The following FAT3 variants were observed in gnomAD, a reference collection of about 807,000 sequenced individuals.
The protein encoded by FAT3 is protocadherin Fat 3.
Under a neutral mutation model 310.2 loss-of-function variants are expected in FAT3, and 95 were observed. The ratio of observed to expected loss-of-function variants is 0.31; its 90% CI spans 0.26 to 0.36. The LOEUF is 0.36. FAT3 is among the 10% of genes least tolerant of loss of function. FAT3 has a pLI of 1.00. For missense variants in FAT3, 5,408 were observed against 5,715.6 expected, an observed-to-expected ratio of 0.95 and a Z score of 1.74; for synonymous variants, 2,314 against 2,192.9, an observed-to-expected ratio of 1.06 and a Z score of -1.54.
intron 19 of FAT3, among the ~76,000 whole-genome samples, chr11:92,846,666 G>A (rs868734630): frequency 2.0e-5 from 3 of 152,178 alleles, no homozygotes; most frequent in Non-Finnish European, 4.4e-5. Flanking sequence ...TCAAAGTGAT[G>A]TTTTGGCCCT....
At chr11:92,442,109 A>ATTTTT (rs1258493776) in intron 2 of FAT3, among the ~76,000 whole-genome samples, 13 of 50,082 alleles carry the variant, frequency 2.6e-4, no homozygotes, top group South Asian at 1.1e-3. Context: ...ATATATATAT[A>ATTTTT]TATTTTTTTT....
intron 3 of FAT3, among the ~76,000 whole-genome samples, chr11:92,529,302 G>A (rs1591407031): frequency 6.6e-6 from 1 of 152,144 alleles, no homozygotes; most frequent in African/African-American, 2.4e-5. Flanking sequence ...CGGACCTGAA[G>A]GGGGCCTGAA....
intron 2 of FAT3, among the ~76,000 whole-genome samples, chr11:92,497,087 G>T (rs1222502394): frequency 3.3e-5 from 5 of 151,986 alleles, no homozygotes; most frequent in African/African-American, 1.2e-4. Context: ...TCTGGAGTTT[G>T]TCTGGAATTC....
At chr11:92,426,397 A>G (rs1445879853) in intron 2 of FAT3, among the ~76,000 whole-genome samples, 1 of 152,118 alleles carries the variant, frequency 6.6e-6, no homozygotes, top group East Asian at 1.9e-4. Flanking sequence ...CCATTTGTCA[A>G]TTTTGGCATT....
chr11:92,580,181 A>G (rs1025824430), intron 3 of FAT3, among the ~76,000 whole-genome samples: 11 of 152,012 alleles, frequency 7.2e-5, no homozygotes, highest in Admixed American at 2.6e-4. Context: ...ATAATGCCCC[A>G]TATCTCTTAC....
chr11:92,753,209 G>A (rs1252889284), intron 4 of FAT3, among the ~76,000 whole-genome samples: 1 of 152,002 alleles, frequency 6.6e-6, no homozygotes, highest in East Asian at 1.9e-4. Context: ...TTTCCTTCAG[G>A]CCAGTTGCTC....
intron 2 of FAT3, among the ~76,000 whole-genome samples, chr11:92,435,278 G>A (rs192334851): frequency 6.0e-4 from 92 of 152,144 alleles, no homozygotes; most frequent in African/African-American, 2.2e-3. Context: ...CATTCTCAGG[G>A]TATGCTTAAG....
At chr11:92,587,875 C>G (rs1939232695) in intron 3 of FAT3, among the ~76,000 whole-genome samples, 1 of 151,940 alleles carries the variant, frequency 6.6e-6, no homozygotes, top group Non-Finnish European at 1.5e-5. Context: ...CCATGTTAAG[C>G]CTTTTCCTGC....
At chr11:92,804,849 ATTGATTGTTCACAGTTTGAAT>A (rs1339711719) in intron 10 of FAT3, among the ~76,000 whole-genome samples, 1 of 152,222 alleles carries the variant, frequency 6.6e-6, no homozygotes, top group Non-Finnish European at 1.5e-5. Flanking sequence ...TGAGAAGACG[ATTGATTGTTCACAGTTTGAAT>A]TTGATTGTTC....
At chr11:92,833,129 G>A (rs1341252775) in intron 14 of FAT3, among the ~76,000 whole-genome samples, 4 of 152,194 alleles carry the variant, frequency 2.6e-5, no homozygotes, top group Non-Finnish European at 4.4e-5. Context: ...AACAAGCTTG[G>A]ATGTTCTTTG....
intron 3 of FAT3, among the ~76,000 whole-genome samples, chr11:92,597,404 A>G (rs1939766556): frequency 6.6e-6 from 1 of 152,324 alleles, no homozygotes; most frequent in East Asian, 1.9e-4. Flanking sequence ...CAGAGAACCA[A>G]TGAACGGACA....
intron 1 of FAT3, among the ~76,000 whole-genome samples, chr11:92,238,412 A>G (rs950008305): frequency 6.6e-6 from 1 of 152,114 alleles, no homozygotes; most frequent in Non-Finnish European, 1.5e-5. Context: ...GAATGTCCAC[A>G]TAGGGAATCG....
At chr11:92,787,566 T>G (rs2136149435) in intron 7 of FAT3, among the ~76,000 whole-genome samples, 1 of 151,918 alleles carries the variant, frequency 6.6e-6, no homozygotes, top group East Asian at 1.9e-4. Context: ...TTGCTTGTTC[T>G]TCTTAAACCT....
chr11:92,456,959 G>A (rs996910043), intron 2 of FAT3, among the ~76,000 whole-genome samples: 1 of 152,178 alleles, frequency 6.6e-6, no homozygotes, highest in East Asian at 1.9e-4. Context: ...GGAGGTAAGG[G>A]CCTAGGCAGG....
intron 2 of FAT3, among the ~76,000 whole-genome samples, chr11:92,436,641 G>A (rs1421402481): frequency 2.7e-4 from 41 of 152,216 alleles, no homozygotes; most frequent in South Asian, 2.1e-4. Flanking sequence ...CTCTTCTTAT[G>A]TGCAAATATG....
intron 19 of FAT3, among the ~76,000 whole-genome samples, chr11:92,855,079 T>C (rs1439949005): frequency 6.6e-6 from 1 of 152,214 alleles, no homozygotes; most frequent in Admixed American, 6.5e-5. Context: ...GAGGTTAGCA[T>C]TGGGCTCAAT....
intron 3 of FAT3, among the ~76,000 whole-genome samples, chr11:92,663,509 C>T (rs543162394): frequency 9.2e-5 from 14 of 152,256 alleles, no homozygotes; most frequent in East Asian, 3.9e-4. Context: ...TCTTGAGCAG[C>T]GACTCTGTCT....
At chr11:92,744,804 G>T (rs1423727202) in intron 4 of FAT3, among the ~76,000 whole-genome samples, 1 of 152,012 alleles carries the variant, frequency 6.6e-6, no homozygotes, top group Admixed American at 6.6e-5. Context: ...CATATTTCTG[G>T]GCCACCAGTT....
chr11:92,685,706 G>A (rs913540338), intron 3 of FAT3, among the ~76,000 whole-genome samples: 1 of 151,806 alleles, frequency 6.6e-6, no homozygotes, highest in Non-Finnish European at 1.5e-5. Context: ...ACAATGAGTA[G>A]CCTGGGCTCT....
Sources: gnomAD v4.1 joint callset for allele counts (sites outside exome capture counted in the v4.1 genomes callset) on GRCh38, gnomAD v4.1.1 for gene constraint, MANE v1.5 for transcripts, NCBI Gene and HGNC (gene_info 2026-07-23, HGNC 2026-07-21) for gene names.